Variants in GRIK3 observed in about 807,000 individuals in gnomAD.
GRIK3 encodes the protein glutamate ionotropic receptor kainate type subunit 3, also known as glutamate receptor ionotropic, kainate 3.
GRIK3 carries 29 observed loss-of-function variants against 102.5 expected under a neutral mutation model. That is an observed-to-expected ratio of 0.28 (90% CI 0.21 to 0.39). GRIK3 has a LOEUF of 0.39. Among genes scored for constraint, GRIK3 ranks in the 10% least tolerant of loss-of-function variants. The pLI, the probability that GRIK3 is intolerant of heterozygous loss-of-function variation, is 1.00. For missense variants in GRIK3, 908 were observed against 1,252.4 expected (o/e 0.73, Z 4.15); for synonymous variants, 511 against 504.9 (o/e 1.01, Z -0.16).
intron 1 of GRIK3, among the ~76,000 whole-genome samples, chr1:36,921,950 A>G (rs1641478297): frequency 6.6e-6 from 1 of 151,908 alleles, no homozygotes; most frequent in South Asian, 2.1e-4. Context: ...TGAGCTCTCA[A>G]TGTTCTCCCA....
chr1:36,848,248 T>C (rs1389886469), intron 9 of GRIK3, among the ~76,000 whole-genome samples: 3 of 152,230 alleles, frequency 2.0e-5, no homozygotes, highest in African/African-American at 4.8e-5. Flanking sequence ...ATCCTTTTGG[T>C]ATATTACCTT....
At chr1:37,010,867 G>A (rs868637764) in intron 1 of GRIK3, among the ~76,000 whole-genome samples, 5 of 150,924 alleles carry the variant, frequency 3.3e-5, no homozygotes, top group East Asian at 2.0e-4. Flanking sequence ...TCAGCCTCCC[G>A]AGTAGCTGGG....
At chr1:36,843,225 C>A (rs1258003474) in intron 9 of GRIK3, among the ~76,000 whole-genome samples, 1 of 152,178 alleles carries the variant, frequency 6.6e-6, no homozygotes, top group Non-Finnish European at 1.5e-5. Context: ...AAGTCCGAAT[C>A]CAGGTCAACA....
chr1:37,016,838 G>T (rs1392090107), intron 1 of GRIK3, among the ~76,000 whole-genome samples: 1 of 152,092 alleles, frequency 6.6e-6, no homozygotes, highest in Non-Finnish European at 1.5e-5. Context: ...TGTGGAAGGG[G>T]TCATAACCCA....
chr1:36,868,746 C>G (rs1297766518), intron 5 of GRIK3, among the ~76,000 whole-genome samples: 1 of 152,202 alleles, frequency 6.6e-6, no homozygotes, highest in Non-Finnish European at 1.5e-5. Context: ...TCCTCTTTCT[C>G]CCTTGGTGAA....
intron 1 of GRIK3, among the ~76,000 whole-genome samples, chr1:37,016,831 G>A (rs1642656706): frequency 6.6e-6 from 1 of 152,068 alleles, no homozygotes; most frequent in Non-Finnish European, 1.5e-5. Flanking sequence ...ATGAGGGTGT[G>A]GAAGGGGTCA....
chr1:36,803,255 G>A (rs1053485047), intron 15 of GRIK3, among the ~76,000 whole-genome samples: 4 of 151,994 alleles, frequency 2.6e-5, no homozygotes, highest in Non-Finnish European at 4.4e-5. Flanking sequence ...AGCATTTTAG[G>A]AGCAGCATGT....
At chr1:37,009,523 A>C (rs995455018) in intron 1 of GRIK3, among the ~76,000 whole-genome samples, 1 of 151,906 alleles carries the variant, frequency 6.6e-6, no homozygotes, top group South Asian at 2.1e-4. Flanking sequence ...ATACTTCTTC[A>C]TTTTCTCCCT....
intron 10 of GRIK3, among the ~76,000 whole-genome samples, chr1:36,840,527 A>G (rs1640433070): frequency 6.7e-6 from 1 of 148,412 alleles, no homozygotes; most frequent in African/African-American, 2.5e-5. Context: ...AGTCTGGACA[A>G]CAAAGTGAGA....
At chr1:36,879,152 T>A (rs961669617) in intron 3 of GRIK3, among the ~76,000 whole-genome samples, 2 of 152,044 alleles carry the variant, frequency 1.3e-5, no homozygotes, top group African/African-American at 4.8e-5. Flanking sequence ...CAGATGGCTA[T>A]GTTGTCCCGT....
At chr1:36,805,970 C>CAA in intron 14 of GRIK3, 134 bp downstream of exon 14, 2 of 300,852 alleles carry the variant, frequency 6.6e-6, no homozygotes, top group Non-Finnish European at 1.2e-5. Context: ...AAGAAAAGAA[C>CAA]AGAAAAAAAA....
At chr1:37,033,645 C>G (rs889282440) in intron 1 of GRIK3, among the ~76,000 whole-genome samples, 2 of 152,334 alleles carry the variant, frequency 1.3e-5, no homozygotes, top group Admixed American at 1.3e-4. Flanking sequence ...CGGAGAAGCC[C>G]GATCGCAGAA....
intron 1 of GRIK3, among the ~76,000 whole-genome samples, chr1:37,018,382 C>A (rs956063624): frequency 4.6e-5 from 7 of 152,306 alleles, no homozygotes; most frequent in African/African-American, 1.7e-4. Flanking sequence ...CACTCACTGG[C>A]CCCGATTCTA....
chr1:36,955,043 G>A (rs571116709), intron 1 of GRIK3, among the ~76,000 whole-genome samples: 20 of 152,364 alleles, frequency 1.3e-4, no homozygotes, highest in African/African-American at 4.6e-4. Context: ...TATAAGTGGT[G>A]TCAGGGTGGT....
At chr1:36,840,190 C>A (rs1367278341) in intron 10 of GRIK3, among the ~76,000 whole-genome samples, 3 of 152,084 alleles carry the variant, frequency 2.0e-5, no homozygotes, top group East Asian at 1.9e-4. Context: ...AATAACAGTA[C>A]CTACCTCACT....
chr1:36,931,038 C>T (rs1314017949), intron 1 of GRIK3, among the ~76,000 whole-genome samples: 1 of 152,190 alleles, frequency 6.6e-6, no homozygotes, highest in Non-Finnish European at 1.5e-5. Flanking sequence ...GCGGGGCCTG[C>T]CTTTCTGGTC....
At chr1:36,915,601 G>A (rs1010300944) in intron 1 of GRIK3, among the ~76,000 whole-genome samples, 1 of 152,132 alleles carries the variant, frequency 6.6e-6, no homozygotes, top group Non-Finnish European at 1.5e-5. Flanking sequence ...GGGACCTGGT[G>A]GGAGGTAATT....
At chr1:37,033,923 G>C in intron 1 of GRIK3, 71 bp downstream of exon 1, 1 of 796,928 alleles carries the variant, frequency 1.3e-6, no homozygotes, top group Non-Finnish European at 2.0e-6. Flanking sequence ...TCTCCGGAAC[G>C]CGTTGGGAGG....
intron 1 of GRIK3, among the ~76,000 whole-genome samples, chr1:37,028,371 C>T (rs1402496356): frequency 6.6e-6 from 1 of 151,962 alleles, no homozygotes; most frequent in Non-Finnish European, 1.5e-5. Context: ...TTATTTAGGG[C>T]TTAGATTAAA....
Sources: allele counts gnomAD v4.1 joint callset (sites outside exome capture counted in the v4.1 genomes callset), GRCh38; gene constraint gnomAD v4.1.1; transcripts MANE v1.5; gene names NCBI Gene and HGNC (gene_info 2026-07-23, HGNC 2026-07-21).